TTN: variants seen among roughly 807,000 people sequenced by gnomAD.
TTN encodes connectin.
A neutral mutation model predicts 3,223.0 loss-of-function variants in TTN; 1,525 were observed. The ratio of observed to expected loss-of-function variants is 0.47; its 90% CI spans 0.45 to 0.49. The LOEUF (loss-of-function observed/expected upper bound fraction) is 0.49. TTN is among the 20% of genes least tolerant of loss of function. The probability of loss-of-function intolerance (pLI) is 0.00; values close to 1 mark genes in which losing one functional copy is unlikely to be tolerated. For missense variants in TTN, 40,786 were observed against 43,424.0 expected (o/e 0.94, Z 5.40); for synonymous variants, 14,094 against 15,161.0 (o/e 0.93, Z 5.17).
rs746459763 is a variant in TTN at position 178,559,510 on chromosome 2, TCCA to T, written c.86619_86621del (p.Gly28874del). 5.0e-6 allele frequency: 8 copies of T among 1,613,700 alleles called. No homozygotes were observed. In the Admixed American group the frequency reaches 1.3e-4, roughly 27 times the overall value. ...CTATGTGGTAATTCTTCACTGGTGC[TCCA>T]CCATCGTTTTCAGGAACATCCCAGG... On this transcript the variant is annotated inframe_deletion, in exon 326 of 363. Transcript: ENST00000589042.
At position 178,560,586 on chromosome 2, in the gene TTN, G is replaced by A. The variant is rs13026702; in HGVS notation, c.85546C>T (p.Leu28516Phe). 1 of 1,613,230 alleles carries A rather than the reference G, an allele frequency of 6.2e-7. No individual in the cohort carries two copies. Among genetic ancestry groups the A allele is most frequent in the Non-Finnish European group, 8.5e-7 (1 of 1,179,720 alleles). Reference protein sequence around the residue: ...QMTSCKVTKLLKGNEYIFRVT... With the variant: ...QMTSCKVTKLFKGNEYIFRVT... ...CTAAATATATATTCATTGCCTTTGA[G>A]TAACTTGGTTACTTTACAGGATGTC... The change falls in exon 326 of 363, where the codon CTC (leucine) becomes TTC (phenylalanine). Residue 28516 changes from leucine (L) to phenylalanine (F), a missense_variant. By Grantham distance (22) the Leu-to-Phe change is conservative. Coordinates refer to ENST00000589042, the MANE Select transcript of TTN (RefSeq NM_001267550.2).
Position 178,528,557 on chromosome 2 carries a change from C to T in TTN, c.107194G>A (p.Glu35732Lys). 6.2e-7 allele frequency: 1 copy of T among 1,610,612 alleles called. No individual in the cohort carries two copies. Among genetic ancestry groups the T allele is most frequent in the Non-Finnish European group, 8.5e-7 (1 of 1,177,764 alleles). Residue 35732 changes from glutamate (E) to lysine (K), a missense_variant, in exon 360 of 363, where the codon GAA (glutamate) becomes AAA (lysine). Transcript: ENST00000589042. ...AGGTTGTTTTTAAACCATTCGATTT[C>T]AGGGGATGGCTCGCCACTGATTTCA... The part of the protein sequence containing the change: ...TCEISGEPSP[E>K]IEWFKNNLPI...
In TTN at chr2:178,709,569, T is replaced by C. The variant is rs1428812318; in HGVS notation, c.28750A>G (p.Lys9584Glu). The change falls in exon 99 of 363, where the codon AAA becomes GAA. Residue 9584 changes from lysine (K) to glutamate (E), a missense_variant. Transcript: ENST00000589042. ...SALCTSSIVI[K>E]EPKKPPVFDQ... ...TGGGGCTGTGAGGATAACTCACCTT[T>C]GATGACGATTGAAGACGTGCACAGA... The C allele has an allele frequency of 6.2e-7, 1 of 1,602,812 alleles. No individual in the cohort carries two copies. The highest frequency in any genetic ancestry group is 1.1e-5 in the South Asian group (1 of 90,766).
intron 347 of TTN, 33 bp downstream of exon 347, chr2:178,543,036 C>CTTT (rs58609542): frequency 7.0e-5 from 97 of 1,391,308 alleles, no homozygotes; most frequent in Middle Eastern, 2.0e-4. Flanking sequence ...TTTTACTTTA[C>CTTT]TTTTTTTTTT....
In TTN at chr2:178,721,201, T is replaced by C. The variant is rs772024539; in HGVS notation, c.22818A>G (p.Glu7606=). The C allele has an allele frequency of 6.3e-7, 1 of 1,588,482 alleles. No homozygotes were observed. The highest frequency in any genetic ancestry group is 1.1e-5 in the South Asian group (1 of 88,158). Residue 7606 remains glutamate (E), a splice_region_variant and synonymous_variant, in exon 79 of 363, where the codon GAA becomes GAG. Transcript: ENST00000589042. ...DMCSAQLSVK[E]PPKFVKKLEA... Reference sequence around the variant, plus strand: ...CTAATTTCTTAACAAACTTTGGAGGTTCTAGTAAACCAAACAAAACAGTCA... The same window carrying C: ...CTAATTTCTTAACAAACTTTGGAGGCTCTAGTAAACCAAACAAAACAGTCA...
intron 236 of TTN, 49 bp from the exon 237 acceptor site, chr2:178,631,349 A>G: frequency 6.5e-7 from 1 of 1,532,246 alleles, no homozygotes; most frequent in Non-Finnish European, 8.7e-7. Context: ...CCTTAGGGAA[A>G]TGACAATCTC....
chr2:178,700,752 A>G (rs74562856), intron 111 of TTN, among the ~76,000 whole-genome samples: 1,701 of 152,320 alleles, frequency 0.011, 100 homozygotes, highest in Admixed American at 0.091. Context: ...TATAATTTGC[A>G]ATTTGGCTGT....
rs777576877 is a variant in TTN, at chr2:178,618,005, T to C, written c.47346A>G (p.Pro15782=). Residue 15782 remains proline, a synonymous_variant, in exon 253 of 363, where the codon CCA becomes CCG. Coordinates refer to ENST00000589042, the MANE Select transcript of TTN (RefSeq NM_001267550.2). ...RFGVSLTWEP[P]EYDGGAEITN... ...TGATCTCAGCACCTCCATCATACTC[T>C]GGTGGTTCCCATGTCAGTGAGACAC... is the stretch of plus-strand genomic sequence containing the variant. 6.2e-7 allele frequency: 1 copy of C among 1,612,620 alleles called. No individual in the cohort carries two copies. Among genetic ancestry groups the C allele is most frequent in the South Asian group, 1.1e-5 (1 of 91,052 alleles).
At position 178,770,146 on chromosome 2, in the gene TTN, A is replaced by T; in HGVS notation, c.8555T>A (p.Met2852Lys). Residue 2852 changes from methionine to lysine, a missense_variant, in exon 36 of 363, where the codon ATG becomes AAG. Physicochemically the swap from Met to Lys is moderately conservative, Grantham distance 95. Transcript: ENST00000589042. ...LVSERKVHKL[M>K]LQNISPSDAG... ...ATCTGAGGGGGAGATGTTCTGCAGC[A>T]TCAGCTTGTGGACTTTCCTTTCTGA... The T allele has an allele frequency of 1.2e-6, 2 of 1,614,140 alleles. No homozygotes were observed. Among genetic ancestry groups the T allele is most frequent in the South Asian group, 2.2e-5 (2 of 91,082 alleles).
chr2:178,708,455 G>A (rs2076189729), intron 99 of TTN, among the ~76,000 whole-genome samples: 1 of 152,120 alleles, frequency 6.6e-6, no homozygotes, highest in African/African-American at 2.4e-5. Context: ...TCAGTATTAT[G>A]TAATGATTTT....
intron 313 of TTN, 110 bp from the exon 314 acceptor site, chr2:178,582,702 A>G: frequency 8.8e-7 from 1 of 1,139,322 alleles, no homozygotes; most frequent in East Asian, 2.6e-5. Context: ...TATATGACCT[A>G]GGAGGTTAGT....
rs764917080 is a variant in TTN, at chr2:178,663,944, A to G, written c.36365-42T>C. ...GAAATTACATTTAGGTGTTATGAAG[A>G]CCGCTAGAAAAAAATATTGTCAAGA... is the stretch of plus-strand genomic sequence containing the variant. On this transcript the variant is annotated intron_variant, in intron 169 of 362. Transcript: ENST00000589042. 1.1e-5 allele frequency: 17 copies of G among 1,612,594 alleles called. No individual in the cohort carries two copies. The East Asian group carries it at 2.0e-4, about 19-fold the overall frequency.
At position 178,554,219 on chromosome 2, in the gene TTN, A is replaced by T. The variant is rs577260732; in HGVS notation, c.88895-3T>A. 6.4e-7 allele frequency: 1 copy of T among 1,573,174 alleles called. No homozygotes were observed. Among genetic ancestry groups the T allele is most frequent in the African/African-American group, 1.4e-5 (1 of 72,900 alleles). ...TATGCCTGGTGGCCCAGGTGTAACT[A>T]TTTAGAAAGGAAGGGAAAACAAGGT... On this transcript the variant is annotated splice_region_variant and splice_polypyrimidine_tract_variant and intron_variant, in intron 332 of 362. Transcript: ENST00000589042.
chr2:178,780,629 T>G (rs1002267035), intron 21 of TTN, among the ~76,000 whole-genome samples: 1 of 152,194 alleles, frequency 6.6e-6, no homozygotes, highest in Admixed American at 6.5e-5. Context: ...CAGTCTAGCA[T>G]GAAAGCTGTT....
At chr2:178,708,168 A>T (rs1251514869) in intron 99 of TTN, among the ~76,000 whole-genome samples, 1 of 152,150 alleles carries the variant, frequency 6.6e-6, no homozygotes, top group Non-Finnish European at 1.5e-5. Context: ...GTTTTTGCTG[A>T]ACCCTGAAAA....
rs1275710464 is a variant in TTN, at chr2:178,734,458, T to G, written c.15366A>C (p.Arg5122Ser). Residue 5122 changes from arginine (R) to serine (S), a missense_variant, in exon 52 of 363, where the codon AGA (arginine) becomes AGC (serine). Coordinates refer to ENST00000589042, the MANE Select transcript of TTN (RefSeq NM_001267550.2). ...ACACAAGAGACTTCTGAGAAAACAATCTGTATTTTTTACTACTTCGAATTT... is the reference window on the plus strand; with the variant it reads ...ACACAAGAGACTTCTGAGAAAACAAGCTGTATTTTTTACTACTTCGAATTT... ...KKQIRSSKKY[R>S]LFSQKSLVCL... 6.2e-7 allele frequency: 1 copy of G among 1,613,660 alleles called. No homozygotes were observed. Among genetic ancestry groups the G allele is most frequent in the Non-Finnish European group, 8.5e-7 (1 of 1,179,766 alleles).
rs2067252398 is a variant in TTN, at chr2:178,672,830, C to T, written c.34787-127G>A. ...TCAGAAGTCACTCTGTACTGTGGGA[C>T]ATCCATTTTAGAGGCAATAAAGATA... On this transcript the variant is annotated intron_variant, in intron 152 of 362. Coordinates refer to ENST00000589042, the MANE Select transcript of TTN (RefSeq NM_001267550.2). 1.6e-5 allele frequency: 11 copies of T among 668,106 alleles called. No homozygotes were observed. The South Asian group carries it at 2.7e-4, about 17-fold the overall frequency. The allele number at this position is 668,106 out of a possible 1,614,324, so 41.4% of individuals were successfully genotyped here.
chr2:178,769,035 T>C, intron 37 of TTN, 102 bp from the exon 38 acceptor site: 10 of 1,311,184 alleles, frequency 7.6e-6, no homozygotes, highest in Non-Finnish European at 1.1e-5. Flanking sequence ...TTAGTGCGTC[T>C]GTTGAGGAGA....
Position 178,573,748 on chromosome 2 carries a change from T to C in TTN, c.72384A>G (p.Gly24128=). ...KVLDRPGPPE[G]PLAVTEVTSE... is the part of the protein sequence containing the mutation. ...ATGTCACTTCAGTTACAGCCAAAGG[T>C]CCTTCAGGTGGGCCTGGTCTGTCAA... is the stretch of plus-strand genomic sequence containing the variant. The change falls in exon 326 of 363, where the codon GGA becomes GGG. Residue 24128 remains glycine, a synonymous_variant. Coordinates refer to ENST00000589042, the MANE Select transcript of TTN (RefSeq NM_001267550.2). 1.9e-6 allele frequency: 3 copies of C among 1,580,036 alleles called. No individual in the cohort carries two copies. Among genetic ancestry groups the C allele is most frequent in the Non-Finnish European group, 1.7e-6 (2 of 1,164,966 alleles).
Sources: gnomAD v4.1 joint callset for allele counts (sites outside exome capture counted in the v4.1 genomes callset) on GRCh38, gnomAD v4.1.1 for gene constraint, MANE v1.5 for transcripts, NCBI Gene and HGNC (gene_info 2026-07-23, HGNC 2026-07-21) for gene names.